The following P3H2 variants were observed in gnomAD, a reference collection of about 807,000 sequenced individuals.
P3H2 encodes leprecan-like 1.
A neutral mutation model predicts 87.0 loss-of-function variants in P3H2; 80 were observed. The observed-to-expected ratio is 0.92, with a 90% CI of 0.77 to 1.11. The LOEUF is 1.11. Among genes scored for constraint, P3H2 ranks in the 50% least tolerant of loss-of-function variants. The probability of loss-of-function intolerance (pLI) is 0.00; values close to 1 mark genes in which losing one functional copy is unlikely to be tolerated. For synonymous variants in P3H2, 367 were observed against 359.3 expected, an observed-to-expected ratio of 1.02 and a Z score of -0.24; for missense variants, 1,001 against 923.9, an observed-to-expected ratio of 1.08 and a Z score of -1.08.
At chr3:190,043,033 G>A (rs1160457636) in intron 1 of P3H2, among the ~76,000 whole-genome samples, 1 of 152,114 alleles carries the variant, frequency 6.6e-6, no homozygotes, top group African/African-American at 2.4e-5. Flanking sequence ...ACCATACATG[G>A]CCTATTAGCA....
At chr3:190,028,510 A>G (rs1157902692) in intron 1 of P3H2, among the ~76,000 whole-genome samples, 1 of 152,184 alleles carries the variant, frequency 6.6e-6, no homozygotes, top group Non-Finnish European at 1.5e-5. Context: ...AAATATTTCC[A>G]TATCTGAGGG....
intron 1 of P3H2, among the ~76,000 whole-genome samples, chr3:190,069,391 C>T (rs1726622593): frequency 6.6e-6 from 1 of 152,176 alleles, no homozygotes; most frequent in South Asian, 2.1e-4. Flanking sequence ...GGAAAGTTCA[C>T]AGTCCCTAGA....
chr3:189,979,799 T>TA (rs548863734), intron 8 of P3H2, among the ~76,000 whole-genome samples: 3,236 of 143,752 alleles, frequency 0.023, 56 homozygotes, highest in Admixed American at 0.044. Flanking sequence ...CCGTCTCTAC[T>TA]AAAAAAAAAA....
intron 1 of P3H2, among the ~76,000 whole-genome samples, chr3:190,024,530 C>CAAAAAAAAAAAAAAAAAAAAAAAAAA (rs71635314): frequency 1.9e-5 from 1 of 52,950 alleles, no homozygotes; most frequent in Non-Finnish European, 3.6e-5. Flanking sequence ...GGTTCCCTCT[C>CAAAAAAAAAAAAAAAAAAAAAAAAAA]AAAAAAAAAA....
At chr3:190,031,754 T>C (rs1018235665) in intron 1 of P3H2, among the ~76,000 whole-genome samples, 1 of 115,376 alleles carries the variant, frequency 8.7e-6, no homozygotes, top group African/African-American at 3.0e-5. Flanking sequence ...GCAAAAAAAA[T>C]GCAGATTGGT....
At chr3:189,964,168 T>C (rs755647270) in intron 13 of P3H2, 70 bp from the exon 14 acceptor site, 990 of 1,413,834 alleles carry the variant, frequency 7.0e-4, no homozygotes, top group Non-Finnish European at 9.5e-4. Flanking sequence ...CCTGCTTCTC[T>C]GGCTATGAGA....
chr3:190,030,315 T>C (rs1725213609), intron 1 of P3H2, among the ~76,000 whole-genome samples: 1 of 152,214 alleles, frequency 6.6e-6, no homozygotes, highest in Non-Finnish European at 1.5e-5. Context: ...TAAATACCTA[T>C]AATTCTAGCA....
intron 1 of P3H2, among the ~76,000 whole-genome samples, chr3:190,102,646 G>A (rs1031670778): frequency 1.3e-5 from 2 of 150,940 alleles, no homozygotes; most frequent in African/African-American, 4.9e-5. Context: ...TCCTGGTGAA[G>A]ATGCAGTGAA....
chr3:190,092,104 A>G (rs1727425870), intron 1 of P3H2, among the ~76,000 whole-genome samples: 1 of 152,006 alleles, frequency 6.6e-6, no homozygotes, highest in Non-Finnish European at 1.5e-5. Flanking sequence ...ATGGTGGTGG[A>G]CACCTGTAGT....
At chr3:190,046,693 T>C (rs1254400330) in intron 1 of P3H2, among the ~76,000 whole-genome samples, 3 of 152,308 alleles carry the variant, frequency 2.0e-5, no homozygotes, top group South Asian at 4.1e-4. Context: ...TGGATTTCTC[T>C]ATAAAATTTG....
At chr3:189,996,839 C>A (rs1724065659) in intron 1 of P3H2, among the ~76,000 whole-genome samples, 1 of 152,072 alleles carries the variant, frequency 6.6e-6, no homozygotes, top group South Asian at 2.1e-4. Flanking sequence ...AAATGCTTTA[C>A]CACACAGCTT....
chr3:190,063,346 G>A (rs941233370), intron 1 of P3H2, among the ~76,000 whole-genome samples: 4 of 152,074 alleles, frequency 2.6e-5, no homozygotes, highest in Admixed American at 1.3e-4. Context: ...GCATTCCACA[G>A]GCAAAAGCAA....
intron 1 of P3H2, 46 bp downstream of exon 1, chr3:190,120,206 G>C: frequency 6.3e-7 from 1 of 1,592,864 alleles, no homozygotes. Flanking sequence ...AAGAGAGCGT[G>C]TGAGAGCCGC....
intron 1 of P3H2, among the ~76,000 whole-genome samples, chr3:190,017,357 C>G (rs759574970): frequency 6.6e-6 from 1 of 152,078 alleles, no homozygotes; most frequent in Non-Finnish European, 1.5e-5. Context: ...TGTTGCTTCC[C>G]CAGTTACAAA....
chr3:190,095,648 T>C (rs1577321303), intron 1 of P3H2, among the ~76,000 whole-genome samples: 1 of 150,968 alleles, frequency 6.6e-6, no homozygotes, highest in African/African-American at 2.4e-5. Context: ...TCACCCAGGC[T>C]GGAGTGCAGT....
chr3:190,079,345 T>TAAAC (rs762330521), intron 1 of P3H2, among the ~76,000 whole-genome samples: 1 of 86,270 alleles, frequency 1.2e-5, no homozygotes, highest in Admixed American at 9.8e-5. Flanking sequence ...TCTCAAAAAA[T>TAAAC]AAATAAATAA....
At chr3:189,970,219 T>TATAC (rs1222337893) in intron 13 of P3H2, among the ~76,000 whole-genome samples, 1 of 127,148 alleles carries the variant, frequency 7.9e-6, no homozygotes, top group African/African-American at 3.0e-5. Context: ...TATATATATA[T>TATAC]ATATGAGGCC....
Position 189,962,000 on chromosome 3 carries a change from A to T in P3H2, c.2034+1958T>A, listed in dbSNP as rs916211729. Among the ~76,000 whole-genome samples the T allele has an allele frequency of 6.0e-5, 9 of 150,910 alleles. No individual in the cohort carries two copies. The East Asian group carries it at 1.6e-3, about 26-fold the overall frequency. ...CCCATTGACATAGGTTCCTTAGTTT[A>T]AAAAAAAATGCTTTGATGGAATGCT... On this transcript the variant is annotated intron_variant, in intron 14 of 14. Coordinates refer to ENST00000319332, the MANE Select transcript of P3H2 (RefSeq NM_018192.4).
chr3:190,012,699 C>G (rs939281277), intron 1 of P3H2, among the ~76,000 whole-genome samples: 1 of 152,100 alleles, frequency 6.6e-6, no homozygotes, highest in African/African-American at 2.4e-5. Context: ...CAACTAAATC[C>G]CATATGATCC....
Sources: gnomAD v4.1 joint callset for allele counts (sites outside exome capture counted in the v4.1 genomes callset) on GRCh38, gnomAD v4.1.1 for gene constraint, MANE v1.5 for transcripts, NCBI Gene and HGNC (gene_info 2026-07-23, HGNC 2026-07-21) for gene names.